The following ALPK3 variants were observed in gnomAD, a reference collection of about 807,000 sequenced individuals.
ALPK3 encodes the protein alpha-protein kinase 3.
Under a neutral mutation model 140.0 loss-of-function variants are expected in ALPK3, and 102 were observed. The observed-to-expected ratio is 0.73, with a 90% confidence interval of 0.62 to 0.86. The LOEUF is 0.86. ALPK3 is among the 40% of genes least tolerant of loss of function. The pLI, the probability that ALPK3 is intolerant of heterozygous loss-of-function variation, is 0.00. For synonymous variants in ALPK3, 938 were observed against 898.5 expected, an observed-to-expected ratio of 1.04 and a Z score of -0.79; for missense variants, 2,254 against 2,208.2, an observed-to-expected ratio of 1.02 and a Z score of -0.42.
At chr15:84,847,234 A>G (rs944296853) in intron 5 of ALPK3, among the ~76,000 whole-genome samples, 22 of 151,478 alleles carry the variant, frequency 1.5e-4, no homozygotes, top group African/African-American at 5.1e-4. Flanking sequence ...AGAGAGAGAG[A>G]GAGAGAGAGA....
chr15:84,873,040 A>G lies in ALPK3; in HGVS notation c.*4584A>G, dbSNP rs2141579349. The G allele has an allele frequency of 6.6e-6, 1 of 152,298 alleles. No individual in the cohort carries two copies. Among genetic ancestry groups the G allele is most frequent in the Non-Finnish European group, 1.5e-5 (1 of 68,054 alleles). The allele number at this position is 152,298 out of a possible 1,614,324, so 9.4% of individuals were successfully genotyped here. On this transcript the variant is annotated 3_prime_UTR_variant, in exon 14 of 14. Coordinates refer to ENST00000258888, the MANE Select transcript of ALPK3 (RefSeq NM_020778.5). ...GCTCGAGGTCTGGTTTCCATGCCCT[A>G]TCCCTTACGATGAGCGCCCTATTTT...
At chr15:84,817,640 C>A in intron 1 of ALPK3, 45 bp downstream of exon 1, 2 of 1,461,442 alleles carry the variant, frequency 1.4e-6, no homozygotes, top group Non-Finnish European at 1.8e-6. Flanking sequence ...CGGCGATGCC[C>A]TGGGATCAGT....
chr15:84,825,185 A>T (rs1051636244), intron 2 of ALPK3, among the ~76,000 whole-genome samples: 5 of 150,390 alleles, frequency 3.3e-5, no homozygotes, highest in East Asian at 1.9e-4. Context: ...TTATTTTATT[A>T]TTATTTTTTT....
chr15:84,848,068 A>T (rs895025760), intron 5 of ALPK3, among the ~76,000 whole-genome samples: 10 of 151,896 alleles, frequency 6.6e-5, no homozygotes, highest in African/African-American at 1.9e-4. Context: ...TCTCAAAAAA[A>T]AAAAAATAAA....
intron 9 of ALPK3, among the ~76,000 whole-genome samples, chr15:84,860,835 G>A (rs1410373863): frequency 6.6e-6 from 1 of 152,154 alleles, no homozygotes; most frequent in South Asian, 2.1e-4. Context: ...CAATTCTCGT[G>A]CCTCAGCCTC....
At chr15:84,831,111 A>G (rs1272979251) in intron 3 of ALPK3, among the ~76,000 whole-genome samples, 1 of 152,158 alleles carries the variant, frequency 6.6e-6, no homozygotes, top group East Asian at 1.9e-4. Flanking sequence ...ACATTGTTCC[A>G]TTATCTTTTT....
chr15:84,833,314 G>T (rs1717798533), intron 3 of ALPK3, among the ~76,000 whole-genome samples: 1 of 152,156 alleles, frequency 6.6e-6, no homozygotes, highest in South Asian at 2.1e-4. Context: ...GTTTTGTGTA[G>T]CACATTAGGA....
chr15:84,859,222 T>C (rs753477096), intron 6 of ALPK3, 21 bp from the exon 7 acceptor site: 1 of 1,613,692 alleles, frequency 6.2e-7, no homozygotes, highest in Non-Finnish European at 8.5e-7. Context: ...TGTTCCCCTC[T>C]TGACTGGGCC....
intron 5 of ALPK3, among the ~76,000 whole-genome samples, chr15:84,852,121 ATT>A (rs1963811083): frequency 6.6e-6 from 1 of 152,222 alleles, no homozygotes; most frequent in Non-Finnish European, 1.5e-5. Context: ...TAGTTTATAA[ATT>A]AGGCACCGTA....
chr15:84,859,437 GT>G, intron 7 of ALPK3, 47 bp downstream of exon 7: 1 of 1,607,906 alleles, frequency 6.2e-7, no homozygotes, highest in Non-Finnish European at 8.5e-7. Flanking sequence ...CCTGATTGCA[GT>G]AATACCGTTG....
chr15:84,842,480 T>C (rs1312257055), intron 5 of ALPK3, among the ~76,000 whole-genome samples: 1 of 149,992 alleles, frequency 6.7e-6, no homozygotes, highest in Non-Finnish European at 1.5e-5. Context: ...AAAGCAGTGT[T>C]TCCCAGGGGT....
chr15:84,868,461 C>T lies in ALPK3; in HGVS notation c.*5C>T, dbSNP rs3748380. ...AAGGCCCAGGGCATGCGGTAGCCTC[C>T]GCAGAGGCTGGGGGCCTCCACCCAG... On this transcript the variant is annotated 3_prime_UTR_variant, in exon 14 of 14. Transcript: ENST00000258888. 0.24 allele frequency: 385,908 copies of T among 1,600,086 alleles called. 52,825 individuals carry two copies. The highest frequency in any genetic ancestry group is 0.55 in the East Asian group (24,800 of 44,722).
rs114988007 is a variant in ALPK3 at position 84,857,266 on chromosome 15, G to A, written c.2528G>A (p.Arg843Gln). The change falls in exon 6 of 14, where the codon CGG becomes CAG. Residue 843 changes from arginine (R) to glutamine (Q), a missense_variant. Arg to Gln is a conservative substitution (Grantham distance 43). Around this residue, in one of 3 missense-constraint regions of ALPK3, gnomAD observed 2,088 missense variants for 2,022.9 expected, o/e 1.03. Transcript: ENST00000258888. ...CCGTTCCAGTGCCCCAAGGAGGAGC[G>A]GCCAGGGGGAGTGCCGTGTATGGAT... The part of the protein sequence containing the change: ...DSPFQCPKEE[R>Q]PGGVPCMDQG... The A allele has an allele frequency of 6.5e-5, 105 of 1,613,968 alleles. No individual in the cohort carries two copies. In the African/African-American group the frequency reaches 9.3e-4, roughly 14 times the overall value.
At chr15:84,868,048 C>A (rs1256172756) in intron 13 of ALPK3, 63 bp from the exon 14 acceptor site, 2 of 1,510,214 alleles carry the variant, frequency 1.3e-6, no homozygotes, top group East Asian at 2.3e-5. Flanking sequence ...CCCCAGAGTC[C>A]GCCCCCCAAG....
chr15:84,842,105 C>T (rs1337924875), intron 5 of ALPK3, among the ~76,000 whole-genome samples: 2 of 152,242 alleles, frequency 1.3e-5, no homozygotes, highest in African/African-American at 4.8e-5. Flanking sequence ...GCGATCTCAG[C>T]TCACTGCAGC....
At chr15:84,829,631 T>C (rs1228616664) in intron 3 of ALPK3, among the ~76,000 whole-genome samples, 1 of 152,212 alleles carries the variant, frequency 6.6e-6, no homozygotes, top group African/African-American at 2.4e-5. Context: ...GCAGTAGCTG[T>C]ACATGCTGTT....
chr15:84,818,702 T>G (rs2090934458), intron 1 of ALPK3, among the ~76,000 whole-genome samples: 1 of 152,144 alleles, frequency 6.6e-6, no homozygotes, highest in Non-Finnish European at 1.5e-5. Context: ...GTTGGGAAAG[T>G]TCAAATGTAA....
At chr15:84,829,499 G>C (rs1240576207) in intron 3 of ALPK3, among the ~76,000 whole-genome samples, 1 of 152,224 alleles carries the variant, frequency 6.6e-6, no homozygotes, top group Non-Finnish European at 1.5e-5. Context: ...GTGAGGATGA[G>C]ACAGCAAAGA....
intron 5 of ALPK3, among the ~76,000 whole-genome samples, chr15:84,849,964 G>T (rs1963782368): frequency 8.4e-6 from 1 of 119,402 alleles, no homozygotes; most frequent in Admixed American, 8.9e-5. Flanking sequence ...TATTTGAAAA[G>T]ATCAATAATA....
Sources: gnomAD v4.1 joint callset for allele counts (sites outside exome capture counted in the v4.1 genomes callset) on GRCh38, gnomAD v4.1.1 for gene constraint, gnomAD v4.1.1 regional missense constraint, MANE v1.5 for transcripts, NCBI Gene and HGNC (gene_info 2026-07-23, HGNC 2026-07-21) for gene names.